PPP1R21: variants seen among roughly 807,000 people sequenced by gnomAD.
PPP1R21 encodes the protein protein phosphatase 1 regulatory subunit 21, also known as KLRAQ motif containing 1.
In PPP1R21, 85 loss-of-function variants were observed where a neutral mutation model predicts 112.8. The observed-to-expected ratio is 0.75, with a 90% CI of 0.63 to 0.90. The LOEUF is 0.90. Among genes scored for constraint, PPP1R21 ranks in the 40% least tolerant of loss-of-function variants. The probability of loss-of-function intolerance (pLI) is 0.00; values close to 1 mark genes in which losing one functional copy is unlikely to be tolerated. For missense variants in PPP1R21, 1,199 were observed against 901.5 expected, an observed-to-expected ratio of 1.33 and a Z score of -4.23; for synonymous variants, 381 against 322.3, an observed-to-expected ratio of 1.18 and a Z score of -1.95.
chr2:48,466,603 A>G (rs537826433), intron 9 of PPP1R21, among the ~76,000 whole-genome samples: 32 of 152,040 alleles, frequency 2.1e-4, no homozygotes, highest in Non-Finnish European at 3.7e-4. Context: ...TCACCGGGGA[A>G]TGGAGGTCAC....
intron 9 of PPP1R21, among the ~76,000 whole-genome samples, chr2:48,470,073 A>G (rs771246911): frequency 1.3e-4 from 20 of 152,206 alleles, no homozygotes; most frequent in Non-Finnish European, 2.4e-4. Context: ...AATTTGAGCT[A>G]TTATGTAACA....
Position 48,471,301 on chromosome 2 carries a change from CT to C in PPP1R21, c.1027del (p.Ser343GlnfsTer4). The C allele has an allele frequency of 6.2e-7, 1 of 1,611,886 alleles. No individual in the cohort carries two copies. Among genetic ancestry groups the C allele is most frequent in the Non-Finnish European group, 8.5e-7 (1 of 1,179,162 alleles). On this transcript the variant is annotated frameshift_variant, in exon 11 of 22. Coordinates refer to ENST00000294952, the MANE Select transcript of PPP1R21 (RefSeq NM_001135629.3). LOFTEE classifies it high-confidence loss of function. The part of the protein sequence containing the change: ...TVLETTVKLK[T>X]FSEHLTSYIC... ...CAGGAGACAACTGTGAAATTGAAAA[CT>C]TTTTCAGAACACTTAACCTCCTACA... is the stretch of plus-strand genomic sequence containing the variant.
Position 48,459,786 on chromosome 2 carries a change from G to T in PPP1R21, c.408G>T (p.Val136=). The T allele has an allele frequency of 6.2e-7, 1 of 1,613,922 alleles. No individual in the cohort carries two copies. The highest frequency in any genetic ancestry group is 8.5e-7 in the Non-Finnish European group (1 of 1,180,032). ...AAGCTGATGAGCAGCACAAGCATGT[G>T]GAAGCAGAGCTGAGGAGTCGACTGG... is the stretch of plus-strand genomic sequence containing the variant. ...FFEADEQHKH[V]EAELRSRLAT... Residue 136 remains valine (V), a synonymous_variant, in exon 5 of 22, where the codon GTG becomes GTT. Coordinates refer to ENST00000294952, the MANE Select transcript of PPP1R21 (RefSeq NM_001135629.3).
At chr2:48,465,339 A>G in intron 8 of PPP1R21, among the ~76,000 whole-genome samples, 154 bp from the exon 9 acceptor site, 1 of 152,202 alleles carries the variant, frequency 6.6e-6, no homozygotes, top group East Asian at 1.9e-4. Flanking sequence ...ATTTACTTAG[A>G]TAGGAATATT....
intron 18 of PPP1R21, among the ~76,000 whole-genome samples, chr2:48,506,182 C>A (rs567863344): frequency 2.0e-4 from 31 of 152,322 alleles, no homozygotes; most frequent in African/African-American, 7.2e-4. Context: ...GCAACCTCTG[C>A]CTCCGGGTAC....
At chr2:48,460,465 A>G (rs1290581094) in intron 6 of PPP1R21, among the ~76,000 whole-genome samples, 1 of 152,208 alleles carries the variant, frequency 6.6e-6, no homozygotes, top group Non-Finnish European at 1.5e-5. Flanking sequence ...AGTCCCAGGA[A>G]GGAAAACTGA....
At position 48,440,766 on chromosome 2, in the gene PPP1R21, A is replaced by C. The variant is rs534702671; in HGVS notation, c.-188A>C. 6.7e-6 allele frequency: 4 copies of C among 598,788 alleles called. No homozygotes were observed. Among genetic ancestry groups the C allele is most frequent in the East Asian group, 6.2e-5 (2 of 32,122 alleles). 37.1% of individuals were successfully genotyped at this position (598,788 alleles called of 1,614,324 possible). A position where few individuals can be genotyped will look rare whatever the true frequency, so the allele number is the denominator to read the frequency against. ...CTGTGGTCGCTCCGCCCCCGGCCCCACTCCACCTTCCTCCCACCCCGGGAA... is the reference window on the plus strand; with the variant it reads ...CTGTGGTCGCTCCGCCCCCGGCCCCCCTCCACCTTCCTCCCACCCCGGGAA... On this transcript the variant is annotated 5_prime_UTR_variant, in exon 1 of 22. Transcript: ENST00000294952.
intron 7 of PPP1R21, 47 bp from the exon 8 acceptor site, chr2:48,464,890 G>A: frequency 7.0e-7 from 1 of 1,420,768 alleles, no homozygotes; most frequent in Middle Eastern, 1.8e-4. Flanking sequence ...TTATTTTCCA[G>A]TATATGTGAA....
chr2:48,494,239 CAAAAAAAAAAAAAAAAAAAAAAA>C (rs70943345), intron 15 of PPP1R21, among the ~76,000 whole-genome samples: 1 of 42,250 alleles, frequency 2.4e-5, no homozygotes, highest in Admixed American at 4.3e-4. Context: ...GACCTTGTCT[CAAAAAAAAAAAAAAAAAAAAAAA>C]AAAAAAAAAA....
At position 48,461,990 on chromosome 2, in the gene PPP1R21, T is replaced by C. The variant is rs537298718; in HGVS notation, c.694+758T>C. 3.3e-5 allele frequency among the ~76,000 whole-genome samples: 5 copies of C among 152,322 alleles called. No homozygotes were observed. In the East Asian group the frequency reaches 9.6e-4, roughly 29 times the overall value. On this transcript the variant is annotated intron_variant, in intron 7 of 21. Transcript: ENST00000294952. ...GATTAAAATCAGCCCATGTCATTATTGTATCAAAAATTTAAATTCCCCTTT... is the reference window on the plus strand; with the variant it reads ...GATTAAAATCAGCCCATGTCATTATCGTATCAAAAATTTAAATTCCCCTTT...
Position 48,458,139 on chromosome 2 carries a change from C to G in PPP1R21, c.287C>G (p.Ser96Cys). The change falls in exon 4 of 22, where the codon TCT (serine) becomes TGT (cysteine). Residue 96 changes from serine (S) to cysteine (C), a missense_variant. Physicochemically the swap from Ser to Cys is moderately radical, Grantham distance 112 (BLOSUM62 -1). Transcript: ENST00000294952. ...TCTTTCCATCAGAAAAGTGGAGAAT[C>G]TTCTTCTCAGTTGAGTCAAGAGCAG... ...RGKKNKKSGE[S>C]SSQLSQEQKS... 1 of 1,609,838 alleles carries G rather than the reference C, an allele frequency of 6.2e-7. No individual in the cohort carries two copies. The highest frequency in any genetic ancestry group is 8.5e-7 in the Non-Finnish European group (1 of 1,176,842).
At chr2:48,499,062 A>G (rs1669981743) in intron 17 of PPP1R21, among the ~76,000 whole-genome samples, 1 of 148,028 alleles carries the variant, frequency 6.8e-6, no homozygotes, top group Non-Finnish European at 1.5e-5. Context: ...CTATTAGGTT[A>G]TTTCCCAAAA....
intron 3 of PPP1R21, 55 bp downstream of exon 3, chr2:48,454,796 ACAGGG>A: frequency 7.3e-7 from 1 of 1,363,258 alleles, no homozygotes; most frequent in Non-Finnish European, 1.0e-6. Context: ...ACTGACACCT[ACAGGG>A]CATCCTGGTT....
At chr2:48,465,820 A>T (rs1218450183) in intron 9 of PPP1R21, among the ~76,000 whole-genome samples, 178 bp downstream of exon 9, 1 of 152,242 alleles carries the variant, frequency 6.6e-6, no homozygotes, top group African/African-American at 2.4e-5. Context: ...TAAGAAATTA[A>T]ATTCTAGGGA....
chr2:48,498,459 G>A (rs781485602), intron 16 of PPP1R21, 34 bp from the exon 17 acceptor site: 3 of 1,610,540 alleles, frequency 1.9e-6, no homozygotes, highest in African/African-American at 2.7e-5. Context: ...ATCTGTATTA[G>A]TCTCTAAGAT....
At chr2:48,466,377 A>AT (rs1009006881) in intron 9 of PPP1R21, among the ~76,000 whole-genome samples, 20 of 149,348 alleles carry the variant, frequency 1.3e-4, no homozygotes, top group African/African-American at 3.9e-4. Context: ...ACACTGGCTA[A>AT]TTTTTTTTTT....
In PPP1R21 at chr2:48,511,345, G is replaced by A; in HGVS notation, c.2190G>A (p.Glu730=). ...ASQNISRLQD[E]LTTTKRSYED... is the part of the protein sequence containing the mutation. ...TCTTTTTCTTTGCTATTTAGGATGA[G>A]CTGACAACTACCAAGAGGAGTTACG... The change falls in exon 21 of 22, where the codon GAG becomes GAA. Residue 730 remains glutamate, a synonymous_variant. Transcript: ENST00000294952. 1 of 1,612,898 alleles carries A rather than the reference G, an allele frequency of 6.2e-7. No individual in the cohort carries two copies. Among genetic ancestry groups the A allele is most frequent in the Non-Finnish European group, 8.5e-7 (1 of 1,179,696 alleles).
chr2:48,442,904 G>C (rs549607777), intron 1 of PPP1R21, among the ~76,000 whole-genome samples: 3 of 152,190 alleles, frequency 2.0e-5, no homozygotes, highest in Non-Finnish European at 2.9e-5. Flanking sequence ...CAAAGGTTAA[G>C]CAGGGGAGTG....
At position 48,488,143 on chromosome 2, in the gene PPP1R21, A is replaced by G. The variant is rs78049433; in HGVS notation, c.1446+1385A>G. On this transcript the variant is annotated intron_variant, in intron 14 of 21. Transcript: ENST00000294952. The stretch of plus-strand genomic sequence containing the variant: ...TGGACTGGCTTTGTGACCACTTGCT[A>G]TAGCTTGGGGTCATGATTAAAACGT... Among the ~76,000 whole-genome samples, 571 of 152,254 alleles carry G rather than the reference A, an allele frequency of 3.8e-3. 24 individuals are homozygous for G. The East Asian group carries it at 0.095, about 25-fold the overall frequency.
Sources: allele counts gnomAD v4.1 joint callset (sites outside exome capture counted in the v4.1 genomes callset), GRCh38; gene constraint gnomAD v4.1.1; transcripts MANE v1.5; gene names NCBI Gene and HGNC (gene_info 2026-07-23, HGNC 2026-07-21).